The following GALK2 variants were observed in gnomAD, a reference collection of about 807,000 sequenced individuals.
GALK2 encodes the protein N-acetylgalactosamine kinase.
In GALK2, 36 loss-of-function variants were observed where a neutral mutation model predicts 52.4. That is an observed-to-expected ratio of 0.69 (90% CI 0.53 to 0.91). GALK2 has a LOEUF of 0.91. GALK2 is among the 40% of genes least tolerant of loss of function. The probability of loss-of-function intolerance (pLI) is 0.00; values close to 1 mark genes in which losing one functional copy is unlikely to be tolerated. For synonymous variants in GALK2, 176 were observed against 199.1 expected (o/e 0.88, Z 0.98); for missense variants, 579 against 559.1 (o/e 1.04, Z -0.36).
At chr15:49,258,017 A>G (rs1197166043) in intron 5 of GALK2, among the ~76,000 whole-genome samples, 1 of 151,532 alleles carries the variant, frequency 6.6e-6, no homozygotes, top group Non-Finnish European at 1.5e-5. Flanking sequence ...ATCTTATACA[A>G]CCAAATATTG....
chr15:49,253,639 G>GC (rs1236880224), intron 5 of GALK2, among the ~76,000 whole-genome samples: 1 of 143,748 alleles, frequency 7.0e-6, no homozygotes, highest in African/African-American at 2.5e-5. Flanking sequence ...CATATGATAG[G>GC]CCATTTAACT....
At position 49,337,579 on chromosome 15, in the gene GALK2, GGTTT is replaced by G. The variant is rs565865132; in HGVS notation, c.426+17778_426+17781del. ...CTGGGATACATGTGCAGAACATGCA[GGTTT>G]GTTACATAGGTATACATGTGCCATG... On this transcript the variant is annotated intron_variant, in intron 3 of 3. Coordinates refer to the GALK2 transcript ENST00000558399. Among the ~76,000 whole-genome samples the G allele has an allele frequency of 2.3e-3, 307 of 136,084 alleles. 2 individuals carry two copies. Among genetic ancestry groups the G allele is most frequent in the African/African-American group, 8.3e-3 (293 of 35,510 alleles). The allele number at this position is 136,084 out of a possible 152,430, so 89.3% of individuals were successfully genotyped here.
Position 49,292,452 on chromosome 15 carries a change from C to A in GALK2, c.882C>A (p.Pro294=). The change falls in exon 8 of 10, where the codon CCC becomes CCA. Residue 294 remains proline (P), a synonymous_variant. Coordinates refer to ENST00000560031, the MANE Select transcript of GALK2 (RefSeq NM_002044.4). ...CAGAAGATGCCCTTCATCCTGAACC[C>A]TATAACCCTGAGGAGATCTGCAGGT... ...LVTEDALHPE[P]YNPEEICRCL... 1.2e-6 allele frequency: 2 copies of A among 1,614,040 alleles called. No individual in the cohort carries two copies. Among genetic ancestry groups the A allele is most frequent in the Non-Finnish European group, 1.7e-6 (2 of 1,179,982 alleles).
chr15:49,174,078 A>G (rs1425478828), intron 1 of GALK2, among the ~76,000 whole-genome samples: 1 of 152,106 alleles, frequency 6.6e-6, no homozygotes, highest in Non-Finnish European at 1.5e-5. Flanking sequence ...TGTAGTATGA[A>G]TACCATTATT....
intron 3 of GALK2, among the ~76,000 whole-genome samples, chr15:49,340,436 C>A (rs1459020793): frequency 6.9e-6 from 1 of 144,512 alleles, no homozygotes. Flanking sequence ...TTGCCTCGCC[C>A]TCCTTGGGCT....
chr15:49,262,037 G>T (rs1192633742), intron 5 of GALK2, among the ~76,000 whole-genome samples: 3 of 152,046 alleles, frequency 2.0e-5, no homozygotes, highest in African/African-American at 7.2e-5. Context: ...CTCTTTTTTG[G>T]TTGTGTCTCT....
intron 5 of GALK2, among the ~76,000 whole-genome samples, chr15:49,275,787 C>G (rs982532849): frequency 6.6e-6 from 1 of 152,186 alleles, no homozygotes; most frequent in Non-Finnish European, 1.5e-5. Flanking sequence ...TTTCGCCCTT[C>G]TCAGTGCTAA....
intron 5 of GALK2, among the ~76,000 whole-genome samples, chr15:49,264,967 G>A (rs980071582): frequency 1.3e-5 from 2 of 152,174 alleles, no homozygotes; most frequent in African/African-American, 2.4e-5. Context: ...GCCGTGTGAG[G>A]TGTCAGTCTG....
chr15:49,184,334 T>C lies in GALK2; in HGVS notation c.53+13959T>C, dbSNP rs547424469. Among the ~76,000 whole-genome samples the C allele has an allele frequency of 5.3e-5, 8 of 152,246 alleles. No homozygotes were observed. In the East Asian group the frequency reaches 1.3e-3, roughly 26 times the overall value. Reference sequence around the variant, plus strand: ...CATTGGCATGGAATATCTTTTTTCATCTGTTTTCTTTTTCAGTCTATGTGT... The same window carrying C: ...CATTGGCATGGAATATCTTTTTTCACCTGTTTTCTTTTTCAGTCTATGTGT... On this transcript the variant is annotated intron_variant, in intron 1 of 9. Transcript: ENST00000560031.
At chr15:49,324,356 A>C (rs1408343872) in intron 9 of GALK2, among the ~76,000 whole-genome samples, 1 of 129,740 alleles carries the variant, frequency 7.7e-6, no homozygotes, top group Non-Finnish European at 1.6e-5. Flanking sequence ...CCATTGTTGC[A>C]TGCTCTTTCC....
At chr15:49,156,222 A>G (rs975359933) in intron 1 of GALK2, 2 of 572,938 alleles carry the variant, frequency 3.5e-6, no homozygotes, top group Non-Finnish European at 6.2e-6. Context: ...TTGTTCAACG[A>G]GTTGTAAACT....
At chr15:49,321,774 C>T (rs1306528884) in intron 9 of GALK2, among the ~76,000 whole-genome samples, 1 of 152,216 alleles carries the variant, frequency 6.6e-6, no homozygotes, top group African/African-American at 2.4e-5. Context: ...GATGTGATTA[C>T]ACTTAAATGT....
At chr15:49,179,448 G>C (rs573362057) in intron 1 of GALK2, among the ~76,000 whole-genome samples, 1 of 152,200 alleles carries the variant, frequency 6.6e-6, no homozygotes, top group East Asian at 1.9e-4. Flanking sequence ...GCACAGACAG[G>C]ATGGGGGACT....
At chr15:49,181,169 G>A in intron 1 of GALK2, among the ~76,000 whole-genome samples, 1 of 144,846 alleles carries the variant, frequency 6.9e-6, no homozygotes, top group South Asian at 2.2e-4. Context: ...GAAGTGCAGT[G>A]GCACAATTAT....
intron 3 of GALK2, among the ~76,000 whole-genome samples, chr15:49,363,874 T>G (rs2044676324): frequency 6.6e-6 from 1 of 152,220 alleles, no homozygotes; most frequent in Admixed American, 6.5e-5. Flanking sequence ...TGAGATAATC[T>G]TATGGGTCTG....
At chr15:49,348,699 T>A (rs980143225) in intron 3 of GALK2, among the ~76,000 whole-genome samples, 4 of 152,212 alleles carry the variant, frequency 2.6e-5, no homozygotes, top group African/African-American at 9.7e-5. Context: ...AATTATTATC[T>A]GATCAATATT....
intron 1 of GALK2, among the ~76,000 whole-genome samples, chr15:49,192,679 G>A (rs1034484384): frequency 4.6e-5 from 7 of 151,694 alleles, no homozygotes; most frequent in African/African-American, 1.7e-4. Context: ...AAGAGTGCCT[G>A]TTTACCCAGA....
Position 49,283,695 on chromosome 15 carries a change from A to T in GALK2, c.733A>T (p.Met245Leu). 6.2e-7 allele frequency: 1 copy of T among 1,614,034 alleles called. No homozygotes were observed. Among genetic ancestry groups the T allele is most frequent in the Non-Finnish European group, 8.5e-7 (1 of 1,179,930 alleles). The change falls in exon 7 of 10, where the codon ATG becomes TTG. Residue 245 changes from methionine (M) to leucine (L), a missense_variant. Transcript: ENST00000560031. ...AACTTCCCATTTCAATATCAGGGTG[A>T]TGGAGTGTCGGCTGGCTGCGAAGGT... ...AATSHFNIRV[M>L]ECRLAAKLLA...
intron 1 of GALK2, among the ~76,000 whole-genome samples, chr15:49,182,155 G>A (rs950909455): frequency 1.5e-4 from 22 of 151,184 alleles, no homozygotes; most frequent in African/African-American, 5.1e-4. Flanking sequence ...GCTACCCTTC[G>A]CAACCTCTGG....
Sources: allele counts gnomAD v4.1 joint callset (sites outside exome capture counted in the v4.1 genomes callset), GRCh38; gene constraint gnomAD v4.1.1; transcripts MANE v1.5; gene names NCBI Gene and HGNC (gene_info 2026-07-23, HGNC 2026-07-21).